The following ERBIN variants were observed in gnomAD, a reference collection of about 807,000 sequenced individuals.
The protein encoded by ERBIN is erbb2 interacting protein.
Under a neutral mutation model 158.4 loss-of-function variants are expected in ERBIN, and 60 were observed. The observed-to-expected ratio is 0.38, with a 90% CI of 0.31 to 0.47. The LOEUF (loss-of-function observed/expected upper bound fraction) is 0.47, where lower values mean the gene tolerates loss of function less well. ERBIN is among the 20% of genes least tolerant of loss of function. ERBIN has a pLI of 0.99. For missense variants in ERBIN, 1,610 were observed against 1,648.0 expected, an observed-to-expected ratio of 0.98 and a Z score of 0.40; for synonymous variants, 594 against 557.2, an observed-to-expected ratio of 1.07 and a Z score of -0.93.
At chr5:66,008,958 T>C (rs1327073870) in intron 4 of ERBIN, among the ~76,000 whole-genome samples, 2 of 152,212 alleles carry the variant, frequency 1.3e-5, no homozygotes, top group Non-Finnish European at 2.9e-5. Flanking sequence ...CAGTCTTAGG[T>C]ATTTACCCAA....
intron 1 of ERBIN, among the ~76,000 whole-genome samples, chr5:65,985,087 C>T (rs2151026032): frequency 6.6e-6 from 1 of 152,262 alleles, no homozygotes; most frequent in South Asian, 2.1e-4. Flanking sequence ...AAAGGAATCA[C>T]ATGACATTTT....
intron 1 of ERBIN, among the ~76,000 whole-genome samples, chr5:65,971,316 A>G (rs1172307607): frequency 6.6e-6 from 1 of 152,080 alleles, no homozygotes; most frequent in Non-Finnish European, 1.5e-5. Flanking sequence ...TAAATTTGGA[A>G]CACAAAGTTC....
intron 17 of ERBIN, among the ~76,000 whole-genome samples, 193 bp from the exon 18 acceptor site, chr5:66,046,160 A>G (rs1758419520): frequency 6.6e-6 from 1 of 152,168 alleles, no homozygotes; most frequent in Admixed American, 6.5e-5. Flanking sequence ...TGGCTCATGG[A>G]TCTTTGGGGG....
At chr5:65,941,504 C>T (rs1745039448) in intron 1 of ERBIN, among the ~76,000 whole-genome samples, 1 of 152,030 alleles carries the variant, frequency 6.6e-6, no homozygotes, top group Non-Finnish European at 1.5e-5. Context: ...CAGATTTTGG[C>T]ATATGTGAGG....
Position 66,038,452 on chromosome 5 carries a change from A to T in ERBIN, c.1276A>T (p.Met426Leu), listed in dbSNP as rs759135805. 1 of 1,611,758 alleles carries T rather than the reference A, an allele frequency of 6.2e-7. No individual in the cohort carries two copies. Among genetic ancestry groups the T allele is most frequent in the Admixed American group, 1.7e-5 (1 of 59,888 alleles). ...CCAGAAAATGGTGCTTACCAACTACATGTTCCCTCAACAGCCAAGGACTGA... is the reference window on the plus strand; with the variant it reads ...CCAGAAAATGGTGCTTACCAACTACTTGTTCCCTCAACAGCCAAGGACTGA... ...ETQKMVLTNY[M>L]FPQQPRTEDV... is the part of the protein sequence containing the mutation. Residue 426 changes from methionine to leucine, a missense_variant, in exon 15 of 26, where the codon ATG becomes TTG. By Grantham distance (15) the Met-to-Leu change is conservative (BLOSUM62 2). Transcript: ENST00000284037.
At chr5:66,076,796 G>A in intron 24 of ERBIN, 79 bp from the exon 25 acceptor site, 3 of 968,286 alleles carry the variant, frequency 3.1e-6, no homozygotes, top group South Asian at 2.8e-5. Flanking sequence ...TTTGCATGGT[G>A]TGGAGGAAAA....
At chr5:65,973,393 A>G (rs59553187) in intron 1 of ERBIN, among the ~76,000 whole-genome samples, 1,881 of 151,266 alleles carry the variant, frequency 0.012, 144 homozygotes, top group African/African-American at 0.044. Flanking sequence ...CCTAGAACTT[A>G]AAGTATAATA....
At chr5:66,069,538 TACTC>T (rs1281052405) in intron 21 of ERBIN, among the ~76,000 whole-genome samples, 3 of 152,204 alleles carry the variant, frequency 2.0e-5, no homozygotes, top group African/African-American at 7.2e-5. Flanking sequence ...AATCCTTTCT[TACTC>T]ACATTTTACT....
intron 1 of ERBIN, among the ~76,000 whole-genome samples, chr5:65,978,006 G>T (rs995581629): frequency 7.7e-6 from 1 of 129,190 alleles, no homozygotes; most frequent in Non-Finnish European, 1.7e-5. Flanking sequence ...CTATTTCTAG[G>T]TTGGAAACAA....
chr5:66,038,335 A>G (rs1757594314), intron 14 of ERBIN, 48 bp from the exon 15 acceptor site: 1 of 1,254,852 alleles, frequency 8.0e-7, no homozygotes, highest in Admixed American at 1.9e-5. Context: ...CTGAATATAT[A>G]TTTGCTTTAG....
chr5:66,065,287 G>A (rs1212347561), intron 21 of ERBIN, among the ~76,000 whole-genome samples: 1 of 152,132 alleles, frequency 6.6e-6, no homozygotes, highest in African/African-American at 2.4e-5. Context: ...TTTAAGTAAT[G>A]TTAAATTGCT....
intron 1 of ERBIN, among the ~76,000 whole-genome samples, chr5:65,975,115 C>A (rs1422035750): frequency 6.6e-6 from 1 of 152,118 alleles, no homozygotes; most frequent in Non-Finnish European, 1.5e-5. Context: ...TCAAGCAATT[C>A]CCCTGCCTCA....
chr5:65,939,157 AG>A (rs1310990094), intron 1 of ERBIN, among the ~76,000 whole-genome samples: 2 of 152,076 alleles, frequency 1.3e-5, no homozygotes, highest in Non-Finnish European at 2.9e-5. Flanking sequence ...AAAATACAAT[AG>A]CCAGGCATGG....
rs560462359 is a variant in ERBIN, at chr5:66,064,431, CAT to C, written c.3634-7737_3634-7736del. On this transcript the variant is annotated intron_variant, in intron 21 of 25. Coordinates refer to ENST00000284037, the MANE Select transcript of ERBIN (RefSeq NM_001253697.2). ...CTATACAAATATTTCTCAATTTTCACATGAGTCCTGTGTGATATTTTTATTAT... is the reference window on the plus strand; with the variant it reads ...CTATACAAATATTTCTCAATTTTCACGAGTCCTGTGTGATATTTTTATTAT... Among the ~76,000 whole-genome samples, 494 of 152,310 alleles carry C rather than the reference CAT, an allele frequency of 3.2e-3. 3 individuals are homozygous for C. The highest frequency in any genetic ancestry group is 4.7e-3 in the Non-Finnish European group (318 of 68,028).
At chr5:66,042,216 G>A (rs1757980923) in intron 15 of ERBIN, among the ~76,000 whole-genome samples, 1 of 151,900 alleles carries the variant, frequency 6.6e-6, no homozygotes, top group South Asian at 2.1e-4. Flanking sequence ...TTTGAGTAAA[G>A]GATAGTCATT....
chr5:66,014,751 AAACTT>A, intron 7 of ERBIN, 26 bp downstream of exon 7: 2 of 1,172,766 alleles, frequency 1.7e-6, no homozygotes, highest in Non-Finnish European at 2.4e-6. Context: ...ATTCTTTAAA[AAACTT>A]AATTTATAAT....
At chr5:66,077,488 A>G (rs1218010229) in intron 25 of ERBIN, among the ~76,000 whole-genome samples, 1 of 152,046 alleles carries the variant, frequency 6.6e-6, no homozygotes, top group Non-Finnish European at 1.5e-5. Flanking sequence ...AACCAAAAAA[A>G]AAGGGAGAGA....
chr5:66,040,241 C>T (rs60014406), intron 15 of ERBIN, among the ~76,000 whole-genome samples: 3,156 of 151,906 alleles, frequency 0.021, 116 homozygotes, highest in African/African-American at 0.071. Flanking sequence ...TTTACTCATC[C>T]CGCCTCTAAA....
intron 25 of ERBIN, among the ~76,000 whole-genome samples, chr5:66,077,481 C>T (rs1452228503): frequency 6.8e-6 from 1 of 147,970 alleles, no homozygotes; most frequent in Admixed American, 6.7e-5. Flanking sequence ...ATCCTCAAAC[C>T]AAAAAAAAAG....
Sources: allele counts gnomAD v4.1 joint callset (sites outside exome capture counted in the v4.1 genomes callset), GRCh38; gene constraint gnomAD v4.1.1; transcripts MANE v1.5; gene names NCBI Gene and HGNC (gene_info 2026-07-23, HGNC 2026-07-21).